Variants in DIAPH3 observed in about 807,000 individuals in gnomAD.
The protein encoded by DIAPH3 is diaphanous related formin 3.
A neutral mutation model predicts 144.3 loss-of-function variants in DIAPH3; 117 were observed. That is an observed-to-expected ratio of 0.81 (90% CI 0.70 to 0.95). The LOEUF (loss-of-function observed/expected upper bound fraction) is 0.95. Among genes scored for constraint, DIAPH3 ranks in the 40% least tolerant of loss-of-function variants. DIAPH3 has a pLI of 0.00. For synonymous variants in DIAPH3, 519 were observed against 488.9 expected (o/e 1.06, Z -0.81); for missense variants, 1,421 against 1,412.7 (o/e 1.01, Z -0.09).
At chr13:60,043,036 C>A (rs1401407369) in intron 4 of DIAPH3, among the ~76,000 whole-genome samples, 1 of 152,112 alleles carries the variant, frequency 6.6e-6, no homozygotes, top group Admixed American at 6.5e-5. Context: ...AGAAGGTGTG[C>A]AAATTGAAAT....
chr13:59,675,224 C>A, intron 27 of DIAPH3, among the ~76,000 whole-genome samples: 1 of 152,040 alleles, frequency 6.6e-6, no homozygotes, highest in Non-Finnish European at 1.5e-5. Flanking sequence ...TATCACCATG[C>A]CTGGCTAACT....
At chr13:59,753,520 G>A (rs1364392717) in intron 27 of DIAPH3, among the ~76,000 whole-genome samples, 1 of 152,172 alleles carries the variant, frequency 6.6e-6, no homozygotes, top group East Asian at 1.9e-4. Context: ...TTTTGAGATA[G>A]AAAAGCAGAT....
intron 25 of DIAPH3, among the ~76,000 whole-genome samples, chr13:59,797,533 T>C (rs1593884247): frequency 6.6e-6 from 1 of 152,178 alleles, no homozygotes; most frequent in African/African-American, 2.4e-5. Context: ...TTCAGAATGT[T>C]AGATAAGGTG....
chr13:60,156,939 A>ATATATATATATTTTTT (rs1337230427), intron 1 of DIAPH3, among the ~76,000 whole-genome samples: 1 of 82,046 alleles, frequency 1.2e-5, no homozygotes, highest in African/African-American at 5.4e-5. Context: ...ATATATATAT[A>ATATATATATATTTTTT]TTTTTTTTTT....
At chr13:60,123,969 A>G (rs997012610) in intron 2 of DIAPH3, among the ~76,000 whole-genome samples, 1 of 152,210 alleles carries the variant, frequency 6.6e-6, no homozygotes, top group Admixed American at 6.5e-5. Flanking sequence ...TCAGGTAATT[A>G]AAGTCATTTT....
intron 22 of DIAPH3, among the ~76,000 whole-genome samples, chr13:59,840,846 T>G (rs2042303437): frequency 6.6e-6 from 1 of 152,046 alleles, no homozygotes; most frequent in African/African-American, 2.4e-5. Context: ...CGTATTCCCT[T>G]TCTGTGATAC....
intron 5 of DIAPH3, among the ~76,000 whole-genome samples, chr13:60,020,320 C>A (rs188264890): frequency 1.6e-4 from 24 of 152,270 alleles, no homozygotes; most frequent in Admixed American, 1.5e-3. Flanking sequence ...AACCTTCAAG[C>A]TAGAAACTTC....
intron 17 of DIAPH3, among the ~76,000 whole-genome samples, chr13:59,961,653 G>T (rs2140500522): frequency 6.6e-6 from 1 of 152,264 alleles, no homozygotes; most frequent in East Asian, 1.9e-4. Context: ...AAACATAATA[G>T]GATTTCTTTT....
intron 22 of DIAPH3, among the ~76,000 whole-genome samples, chr13:59,847,224 G>C (rs1366473021): frequency 6.6e-6 from 1 of 152,036 alleles, no homozygotes; most frequent in Non-Finnish European, 1.5e-5. Context: ...ATAACAAATG[G>C]AATTTGCATT....
chr13:60,025,309 C>A (rs2054300250), intron 5 of DIAPH3, among the ~76,000 whole-genome samples: 2 of 149,762 alleles, frequency 1.3e-5, no homozygotes, highest in African/African-American at 4.9e-5. Flanking sequence ...ACCCAGCAAA[C>A]TCACCGCCAT....
chr13:59,713,376 C>T (rs2034855256), intron 27 of DIAPH3, among the ~76,000 whole-genome samples: 1 of 151,924 alleles, frequency 6.6e-6, no homozygotes, highest in African/African-American at 2.4e-5. Context: ...TTTTTGAAAC[C>T]TAAAAAACTC....
At chr13:60,119,397 C>T (rs1057152264) in intron 2 of DIAPH3, among the ~76,000 whole-genome samples, 2 of 152,172 alleles carry the variant, frequency 1.3e-5, no homozygotes, top group Non-Finnish European at 2.9e-5. Flanking sequence ...CAGAACCCAA[C>T]CCAGAACCAC....
chr13:60,134,116 T>G (rs7989216), intron 1 of DIAPH3, among the ~76,000 whole-genome samples: 34,915 of 152,108 alleles, frequency 0.23, 4,184 homozygotes, highest in South Asian at 0.27. Context: ...TGTTCCTTCT[T>G]CTAGTGCAAA....
chr13:59,788,722 C>T (rs1350963112), intron 25 of DIAPH3, among the ~76,000 whole-genome samples: 1 of 152,104 alleles, frequency 6.6e-6, no homozygotes, highest in Non-Finnish European at 1.5e-5. Flanking sequence ...TATGGACCAT[C>T]TCCAAAATAT....
At chr13:59,858,903 G>T (rs2043411400) in intron 22 of DIAPH3, among the ~76,000 whole-genome samples, 1 of 152,232 alleles carries the variant, frequency 6.6e-6, no homozygotes, top group East Asian at 1.9e-4. Context: ...CTCATTAGTT[G>T]CAATGAAAGT....
At chr13:60,114,813 A>T (rs888889400) in intron 2 of DIAPH3, among the ~76,000 whole-genome samples, 1 of 152,064 alleles carries the variant, frequency 6.6e-6, no homozygotes, top group Non-Finnish European at 1.5e-5. Context: ...TATGACAGCT[A>T]ATTTCTCACC....
At chr13:60,044,817 G>A (rs1315878227) in intron 4 of DIAPH3, among the ~76,000 whole-genome samples, 2 of 152,084 alleles carry the variant, frequency 1.3e-5, no homozygotes, top group East Asian at 1.9e-4. Context: ...GGATCCAGTA[G>A]GAGGTAACTG....
At chr13:59,904,733 T>C (rs1347004591) in intron 20 of DIAPH3, among the ~76,000 whole-genome samples, 1 of 152,024 alleles carries the variant, frequency 6.6e-6, no homozygotes, top group East Asian at 1.9e-4. Flanking sequence ...AGATGCAAGA[T>C]ACAGCAGACG....
chr13:59,921,690 CA>C (rs754717595), intron 18 of DIAPH3, among the ~76,000 whole-genome samples: 6 of 151,636 alleles, frequency 4.0e-5, no homozygotes, highest in African/African-American at 1.5e-4. Context: ...TCACACTATT[CA>C]AAAAAAATCA....
Sources: gnomAD v4.1 joint callset for allele counts (sites outside exome capture counted in the v4.1 genomes callset) on GRCh38, gnomAD v4.1.1 for gene constraint, MANE v1.5 for transcripts, NCBI Gene and HGNC (gene_info 2026-07-23, HGNC 2026-07-21) for gene names.